Variants in PTP4A3 observed in about 807,000 individuals in gnomAD.
PTP4A3 encodes protein tyrosine phosphatase type IVA 3.
PTP4A3 carries 9 observed loss-of-function variants against 15.2 expected under a neutral mutation model. The ratio of observed to expected loss-of-function variants is 0.59; its 90% confidence interval spans 0.36 to 1.03. The LOEUF (loss-of-function observed/expected upper bound fraction) is 1.03, where lower values mean the gene tolerates loss of function less well. PTP4A3 is among the 50% of genes least tolerant of loss of function. PTP4A3 has a pLI of 0.02. For missense variants in PTP4A3, 234 were observed against 252.1 expected, an observed-to-expected ratio of 0.93 and a Z score of 0.49; for synonymous variants, 95 against 102.0, an observed-to-expected ratio of 0.93 and a Z score of 0.41.
intron 1 of PTP4A3, among the ~76,000 whole-genome samples, chr8:141,417,365 C>G (rs1037377927): frequency 6.6e-6 from 1 of 152,176 alleles, no homozygotes; most frequent in Admixed American, 6.5e-5. Flanking sequence ...ACGGTGGGTG[C>G]TGAGTAAATT....
In PTP4A3 at chr8:141,431,270, TCTGGCGGCG is replaced by T; in HGVS notation, c.*232_*240del. 1.8e-6 allele frequency: 1 copy of T among 570,042 alleles called. No individual in the cohort carries two copies. The highest frequency in any genetic ancestry group is 2.2e-5 in the South Asian group (1 of 44,744). 35.3% of individuals were successfully genotyped at this position (570,042 alleles called of 1,614,324 possible). ...CCTTTCTCCTGTCTCCGCCACTCCC[TCTGGCGGCG>T]CTGGCCGTGGCTCTGTCTCTCTGAG... On this transcript the variant is annotated 3_prime_UTR_variant, in exon 6 of 6. Coordinates refer to ENST00000521578, the MANE Select transcript of PTP4A3 (RefSeq NM_032611.3).
chr8:141,407,416 A>G (rs879612809), intron 1 of PTP4A3, among the ~76,000 whole-genome samples: 1 of 152,226 alleles, frequency 6.6e-6, no homozygotes, highest in Non-Finnish European at 1.5e-5. Context: ...CCCTGAGGGT[A>G]AAATTCAGAC....
intron 1 of PTP4A3, among the ~76,000 whole-genome samples, chr8:141,412,806 T>C (rs977567801): frequency 6.6e-6 from 1 of 152,184 alleles, no homozygotes; most frequent in Non-Finnish European, 1.5e-5. Context: ...ATTCTCATGT[T>C]GTGTGGGTGA....
intron 1 of PTP4A3, among the ~76,000 whole-genome samples, chr8:141,396,893 A>G (rs904597505): frequency 6.6e-6 from 1 of 152,116 alleles, no homozygotes; most frequent in Admixed American, 6.5e-5. Context: ...ACAGTGGATG[A>G]ACGATCCAGG....
chr8:141,392,954 C>T (rs1254295263), intron 1 of PTP4A3, among the ~76,000 whole-genome samples: 2 of 152,174 alleles, frequency 1.3e-5, no homozygotes, highest in Non-Finnish European at 2.9e-5. Flanking sequence ...TCTCTGCCTG[C>T]GGGCTCTGGG....
chr8:141,427,775 C>G lies in PTP4A3; in HGVS notation c.355C>G (p.Leu119Val). ...GRAPVLVALALIESGMKYEDA... is the reference protein window; with the variant it reads ...GRAPVLVALAVIESGMKYEDA... ...GGCTCCAGTCCTTGTGGCGCTGGCC[C>G]TTATTGAGAGCGGGATGAAGTACGA... is the stretch of plus-strand genomic sequence containing the variant. Residue 119 changes from leucine (L) to valine (V), a missense_variant, in exon 5 of 6, where the codon CTT (leucine) becomes GTT (valine). By Grantham distance (32) the Leu-to-Val change is conservative. Transcript: ENST00000521578. 1 of 1,551,944 alleles carries G rather than the reference C, an allele frequency of 6.4e-7. No individual in the cohort carries two copies. Among genetic ancestry groups the G allele is most frequent in the Non-Finnish European group, 8.7e-7 (1 of 1,147,662 alleles).
rs1586545213 is a variant in PTP4A3, at chr8:141,409,744, G to C, written c.-853-11644G>C. On this transcript the variant is annotated intron_variant, in intron 1 of 5. Coordinates refer to ENST00000521578, the MANE Select transcript of PTP4A3 (RefSeq NM_032611.3). ...TCCTTCTCTCCTGGGAGCTGGGCAG[G>C]TGCTCAAAGCGGGCAGTGCAGGCTG... Among the ~76,000 whole-genome samples, 3 of 152,256 alleles carry C rather than the reference G, an allele frequency of 2.0e-5. No individual in the cohort carries two copies. The South Asian group carries it at 6.2e-4, about 31-fold the overall frequency.
chr8:141,413,964 G>A (rs2129969439), intron 1 of PTP4A3, among the ~76,000 whole-genome samples: 2 of 144,974 alleles, frequency 1.4e-5, no homozygotes, highest in South Asian at 4.3e-4. Flanking sequence ...GGTGTCCCTG[G>A]AGGCTCTGGT....
intron 1 of PTP4A3, among the ~76,000 whole-genome samples, chr8:141,401,673 G>A (rs1041033325): frequency 5.3e-5 from 8 of 152,294 alleles, no homozygotes; most frequent in Admixed American, 2.6e-4. Flanking sequence ...CGGAAGGGCC[G>A]TCCCGAGGGG....
intron 1 of PTP4A3, among the ~76,000 whole-genome samples, chr8:141,398,115 T>G (rs1832497369): frequency 6.6e-6 from 1 of 152,172 alleles, no homozygotes; most frequent in Non-Finnish European, 1.5e-5. Flanking sequence ...AGGGCCCCTG[T>G]GCCTTCTGCC....
At chr8:141,418,621 C>CT (rs1833167907) in intron 1 of PTP4A3, among the ~76,000 whole-genome samples, 2 of 152,294 alleles carry the variant, frequency 1.3e-5, no homozygotes, top group South Asian at 4.1e-4. Flanking sequence ...TTCTGCAGGG[C>CT]TTGGTAGCAG....
At chr8:141,423,933 G>A (rs1316991853) in intron 2 of PTP4A3, among the ~76,000 whole-genome samples, 1 of 151,568 alleles carries the variant, frequency 6.6e-6, no homozygotes, top group Admixed American at 6.6e-5. Context: ...CTCAGCACGT[G>A]ATCAGGATTA....
At chr8:141,422,518 G>C (rs1236528243) in intron 2 of PTP4A3, among the ~76,000 whole-genome samples, 173 bp downstream of exon 2, 3 of 152,178 alleles carry the variant, frequency 2.0e-5, no homozygotes, top group Non-Finnish European at 4.4e-5. Context: ...GGGAGATGGG[G>C]GTGCCCCGGG....
intron 1 of PTP4A3, among the ~76,000 whole-genome samples, chr8:141,414,847 C>T (rs1374497158): frequency 6.6e-6 from 1 of 151,982 alleles, no homozygotes; most frequent in Non-Finnish European, 1.5e-5. Context: ...ACGAGGGCTC[C>T]GCCCCCTCCT....
In PTP4A3 at chr8:141,400,265, ACTGTGCCCGGCCCACAT is replaced by A. The variant is rs1427784986; in HGVS notation, c.-854+8197_-854+8213del. Among the ~76,000 whole-genome samples, 71 of 144,574 alleles carry A rather than the reference ACTGTGCCCGGCCCACAT, an allele frequency of 4.9e-4. No individual in the cohort carries two copies. In the South Asian group the frequency reaches 0.013, roughly 27 times the overall value. The allele number at this position is 144,574 out of a possible 152,430, so 94.8% of individuals were successfully genotyped here. ...GGCCCGCCTCTGCACCTTGCCCACC[ACTGTGCCCGGCCCACAT>A]CTGTGCCCGGCCCACCACTGTGCCA... On this transcript the variant is annotated intron_variant, in intron 1 of 5. Coordinates refer to ENST00000521578, the MANE Select transcript of PTP4A3 (RefSeq NM_032611.3).
rs1025372641 is a variant in PTP4A3, at chr8:141,431,110, C to A, written c.*66C>A. 8.0e-6 allele frequency: 12 copies of A among 1,498,486 alleles called. No individual in the cohort carries two copies. The highest frequency in any genetic ancestry group is 1.4e-5 in the African/African-American group (1 of 72,438). The allele number at this position is 1,498,486 out of a possible 1,614,324, so 92.8% of individuals were successfully genotyped here. On this transcript the variant is annotated 3_prime_UTR_variant, in exon 6 of 6. Coordinates refer to ENST00000521578, the MANE Select transcript of PTP4A3 (RefSeq NM_032611.3). ...ACCTTGGCTGGACCTGGAGGCCCTGCCCAGCCCTGCTCTGCCCAGCCCAGC... is the reference window on the plus strand; with the variant it reads ...ACCTTGGCTGGACCTGGAGGCCCTGACCAGCCCTGCTCTGCCCAGCCCAGC...
intron 5 of PTP4A3, among the ~76,000 whole-genome samples, chr8:141,428,416 G>T (rs1051453815): frequency 6.6e-6 from 1 of 152,286 alleles, no homozygotes; most frequent in East Asian, 1.9e-4. Flanking sequence ...GAGTCTGGCC[G>T]GGATGGCAGG....
Position 141,406,109 on chromosome 8 carries a change from C to G in PTP4A3, c.-854+14025C>G, listed in dbSNP as rs920469290. 1.3e-5 allele frequency among the ~76,000 whole-genome samples: 2 copies of G among 152,112 alleles called. No homozygotes were observed. Among genetic ancestry groups the G allele is most frequent in the African/African-American group, 4.8e-5 (2 of 41,412 alleles). ...TATGATCTGACTTAGGTCGAGGACA[C>G]TGGTGGGGGCAGTGGTGGGGATACC... On this transcript the variant is annotated intron_variant, in intron 1 of 5. Coordinates refer to ENST00000521578, the MANE Select transcript of PTP4A3 (RefSeq NM_032611.3). The surrounding 1 kb of genome is among the most constrained non-coding windows in gnomAD (Gnocchi z 4.5).
chr8:141,427,863 G>C (rs1477781519), intron 5 of PTP4A3, 39 bp downstream of exon 5: 13 of 1,523,146 alleles, frequency 8.5e-6, no homozygotes, highest in East Asian at 2.5e-5. Context: ...GTGAGCGCTG[G>C]GGGAGGGGAG....
Sources: gnomAD v4.1 joint callset for allele counts (sites outside exome capture counted in the v4.1 genomes callset) on GRCh38, gnomAD v4.1.1 for gene constraint, Gnocchi (gnomAD v3.1) non-coding constraint, MANE v1.5 for transcripts, NCBI Gene and HGNC (gene_info 2026-07-23, HGNC 2026-07-21) for gene names.